Variants in GOLT1B observed in about 807,000 individuals in gnomAD.
GOLT1B encodes vesicle transport protein GOT1B.
GOLT1B carries 3 observed loss-of-function variants against 15.4 expected under a neutral mutation model. The observed-to-expected ratio is 0.19, with a 90% CI of 0.09 to 0.50. The LOEUF is 0.50. Among genes scored for constraint, GOLT1B ranks in the 20% least tolerant of loss-of-function variants. The pLI is 0.97. For missense variants in GOLT1B, 145 were observed against 160.4 expected, an observed-to-expected ratio of 0.90 and a Z score of 0.52; for synonymous variants, 65 against 56.2, an observed-to-expected ratio of 1.16 and a Z score of -0.70.
intron 2 of GOLT1B, 47 bp from the exon 3 acceptor site, chr12:21,508,336 A>T: frequency 2.7e-6 from 3 of 1,105,472 alleles, no homozygotes; most frequent in Non-Finnish European, 3.9e-6. Flanking sequence ...AAATTTATGC[A>T]TTGTGTTTAA....
intron 2 of GOLT1B, chr12:21,507,218 A>G (rs1943684918): frequency 4.5e-6 from 2 of 442,674 alleles, no homozygotes; most frequent in South Asian, 2.3e-5. Flanking sequence ...GAGATTTACA[A>G]TAGATTAAAT....
intron 1 of GOLT1B, among the ~76,000 whole-genome samples, chr12:21,503,985 A>C (rs1263531134): frequency 6.6e-6 from 1 of 152,190 alleles, no homozygotes; most frequent in Non-Finnish European, 1.5e-5. Flanking sequence ...TCTCCAGTAC[A>C]GTTAATGTTC....
chr12:21,509,473 A>G (rs1281036637), intron 3 of GOLT1B, among the ~76,000 whole-genome samples: 9 of 151,644 alleles, frequency 5.9e-5, no homozygotes, highest in African/African-American at 1.9e-4. Context: ...TATTTATTCC[A>G]GAAATGCATA....
intron 4 of GOLT1B, among the ~76,000 whole-genome samples, chr12:21,513,175 CA>C (rs1943732525): frequency 6.6e-6 from 1 of 151,574 alleles, no homozygotes; most frequent in Admixed American, 6.6e-5. Flanking sequence ...ACAAGCTTGT[CA>C]AATTTGTTTT....
In GOLT1B at chr12:21,501,844, C is replaced by A. The variant is rs935930817; in HGVS notation, c.-80C>A. ...GTGGCGGCTCTCGCCTGGGCTGTTT[C>A]CCGGCTTCATTTCTCCCGACTCAGC... On this transcript the variant is annotated 5_prime_UTR_variant, in exon 1 of 5. Transcript: ENST00000229314. 3.0e-5 allele frequency: 30 copies of A among 1,003,106 alleles called. No homozygotes were observed. Among genetic ancestry groups the A allele is most frequent in the African/African-American group, 3.1e-5 (2 of 64,958 alleles). The allele number at this position is 1,003,106 out of a possible 1,614,324, so 62.1% of individuals were successfully genotyped here.
Position 21,504,974 on chromosome 12 carries a change from C to T in GOLT1B, c.26-1911C>T, listed in dbSNP as rs140305097. 1.7e-3 allele frequency among the ~76,000 whole-genome samples: 254 copies of T among 152,252 alleles called. 1 individual carries two copies. The highest frequency in any genetic ancestry group is 0.013 in the East Asian group (68 of 5,178). On this transcript the variant is annotated intron_variant, in intron 1 of 4. Coordinates refer to ENST00000229314, the MANE Select transcript of GOLT1B (RefSeq NM_016072.5). ...AAAAATTCTGTGGGAAGAGGTATGGCATTAATGGTTAAGCACATGAGCTTT... is the reference window on the plus strand; with the variant it reads ...AAAAATTCTGTGGGAAGAGGTATGGTATTAATGGTTAAGCACATGAGCTTT...
intron 1 of GOLT1B, 73 bp downstream of exon 1, chr12:21,502,021 C>T (rs1943631960): frequency 1.9e-6 from 2 of 1,063,452 alleles, no homozygotes; most frequent in Non-Finnish European, 2.9e-6. Context: ...GCCCCTCCGC[C>T]GGGGTCAATG....
intron 1 of GOLT1B, among the ~76,000 whole-genome samples, chr12:21,503,209 G>A (rs764207299): frequency 1.4e-4 from 22 of 152,158 alleles, no homozygotes; most frequent in Non-Finnish European, 2.8e-4. Flanking sequence ...ATTATATAAA[G>A]GTATTTTCTT....
In GOLT1B at chr12:21,512,376, A is replaced by G. The variant is rs765749538; in HGVS notation, c.378A>G (p.Ser126=). ...GSLLNLPGIR[S]FVDKVGESNN... ...TCCTAAATTTACCTGGAATTAGATC[A>G]GTAAGTAATCATGTATATTTTAGGC... Residue 126 remains serine, a splice_region_variant and synonymous_variant, in exon 4 of 5, where the codon TCA becomes TCG. Coordinates refer to ENST00000229314, the MANE Select transcript of GOLT1B (RefSeq NM_016072.5). 4.4e-6 allele frequency: 6 copies of G among 1,362,134 alleles called. No individual in the cohort carries two copies. In the South Asian group the frequency reaches 5.9e-5, roughly 13 times the overall value. 84.4% of individuals were successfully genotyped at this position (1,362,134 alleles called of 1,614,324 possible).
At chr12:21,510,433 T>TA (rs1471607048) in intron 3 of GOLT1B, among the ~76,000 whole-genome samples, 1 of 152,194 alleles carries the variant, frequency 6.6e-6, no homozygotes, top group African/African-American at 2.4e-5. Flanking sequence ...TTGAGATGAA[T>TA]AAAAAATGGG....
intron 4 of GOLT1B, chr12:21,515,087 A>C (rs901781905): frequency 2.2e-6 from 1 of 464,876 alleles, no homozygotes; most frequent in East Asian, 3.3e-5. Flanking sequence ...TTTATATTCA[A>C]TAATTATAAA....
chr12:21,512,742 T>C (rs552217823), intron 4 of GOLT1B, among the ~76,000 whole-genome samples: 12 of 152,324 alleles, frequency 7.9e-5, no homozygotes, highest in African/African-American at 1.7e-4. Context: ...ACAAATATTT[T>C]GTTTCTCAGA....
In GOLT1B at chr12:21,501,862, G is replaced by C. The variant is rs1343750318; in HGVS notation, c.-62G>C. 8.2e-7 allele frequency: 1 copy of C among 1,214,686 alleles called. No homozygotes were observed. Among genetic ancestry groups the C allele is most frequent in the African/African-American group, 1.4e-5 (1 of 69,424 alleles). The allele number at this position is 1,214,686 out of a possible 1,614,324, so 75.2% of individuals were successfully genotyped here. A position where few individuals can be genotyped will look rare whatever the true frequency, so the allele number is the denominator to read the frequency against. On this transcript the variant is annotated 5_prime_UTR_variant, in exon 1 of 5. Transcript: ENST00000229314. ...GCTGTTTCCCGGCTTCATTTCTCCC[G>C]ACTCAGCTTCCCACCCTGGGCTTTC...
At chr12:21,515,109 A>G in intron 4 of GOLT1B, 1 of 511,812 alleles carries the variant, frequency 2.0e-6, no homozygotes, top group South Asian at 3.4e-5. Context: ...TTATGCTTAC[A>G]TCATTAAATC....
In GOLT1B at chr12:21,501,956, C is replaced by T. The variant is rs1943630217; in HGVS notation, c.25+8C>T. 1 of 1,603,244 alleles carries T rather than the reference C, an allele frequency of 6.2e-7. No homozygotes were observed. The highest frequency in any genetic ancestry group is 1.3e-5 in the African/African-American group (1 of 74,784). On this transcript the variant is annotated splice_region_variant and intron_variant, in intron 1 of 4. Coordinates refer to ENST00000229314, the MANE Select transcript of GOLT1B (RefSeq NM_016072.5). Reference sequence around the variant, plus strand: ...CCTTAACGGACACGCAGAGTAAGCACCTGCTCCGGGGCCCCCGCCTCGAGC... The same window carrying T: ...CCTTAACGGACACGCAGAGTAAGCATCTGCTCCGGGGCCCCCGCCTCGAGC...
chr12:21,507,927 A>G, intron 2 of GOLT1B: 1 of 454,294 alleles, frequency 2.2e-6, no homozygotes, highest in Non-Finnish European at 4.4e-6. Flanking sequence ...CCATGTCAAT[A>G]TTTCTCCCAT....
At chr12:21,509,347 C>T (rs1018869177) in intron 3 of GOLT1B, among the ~76,000 whole-genome samples, 3 of 128,472 alleles carry the variant, frequency 2.3e-5, no homozygotes, top group Non-Finnish European at 4.7e-5. Flanking sequence ...TGCAGTGAGC[C>T]GATCACACCA....
chr12:21,513,015 C>T (rs558530017), intron 4 of GOLT1B, among the ~76,000 whole-genome samples: 1 of 147,140 alleles, frequency 6.8e-6, no homozygotes, highest in African/African-American at 2.5e-5. Context: ...TGCAGTGAGC[C>T]ATGATTGTGC....
chr12:21,510,919 T>C, intron 3 of GOLT1B, among the ~76,000 whole-genome samples: 1 of 152,200 alleles, frequency 6.6e-6, no homozygotes, highest in Non-Finnish European at 1.5e-5. Context: ...GTACTCGTCT[T>C]ACCACAATCA....
Sources: gnomAD v4.1 joint callset for allele counts (sites outside exome capture counted in the v4.1 genomes callset) on GRCh38, gnomAD v4.1.1 for gene constraint, MANE v1.5 for transcripts, NCBI Gene and HGNC (gene_info 2026-07-23, HGNC 2026-07-21) for gene names.